Variants in TIAM1 observed in about 807,000 individuals in gnomAD.
The protein encoded by TIAM1 is TIAM Rac1 associated GEF 1, also known as rho guanine nucleotide exchange factor TIAM1.
Under a neutral mutation model 163.5 loss-of-function variants are expected in TIAM1, and 65 were observed. The ratio of observed to expected loss-of-function variants is 0.40; its 90% CI spans 0.33 to 0.49. TIAM1 has a LOEUF of 0.49. TIAM1 is among the 20% of genes least tolerant of loss of function. The probability of loss-of-function intolerance (pLI) is 0.77; values close to 1 mark genes in which losing one functional copy is unlikely to be tolerated. For missense variants in TIAM1, 1,789 were observed against 2,044.7 expected (o/e 0.87, Z 2.41); for synonymous variants, 833 against 810.1 (o/e 1.03, Z -0.48).
rs554329942 is a variant in TIAM1 at position 31,154,258 on chromosome 21, T to A, written c.3160A>T (p.Thr1054Ser). The A allele has an allele frequency of 1.7e-5, 28 of 1,613,838 alleles. No individual in the cohort carries two copies. The South Asian group carries it at 2.9e-4, about 16-fold the overall frequency. Residue 1054 changes from threonine to serine, a missense_variant, in exon 17 of 28, where the codon ACC becomes TCC. Physicochemically the swap from Thr to Ser is moderately conservative, Grantham distance 58. Coordinates refer to ENST00000541036, the MANE Select transcript of TIAM1 (RefSeq NM_001353694.2). Reference sequence around the variant, plus strand: ...AAAAAGAAACATACCTTCACGTAGGTGCGCTCCGTCTCCAGGAGCTCGCAG... The same window carrying A: ...AAAAAGAAACATACCTTCACGTAGGAGCGCTCCGTCTCCAGGAGCTCGCAG... ...VICELLETER[T>S]YVKDLNCLME...
At position 31,362,760 on chromosome 21, in the gene TIAM1, C is replaced by T. The variant is rs562024215; in HGVS notation, c.-368-23338G>A. ...TGTATTACAGGCATGAGCCACTGTG[C>T]TCAGCCAACAATTATTTTTAAAGCA... On this transcript the variant is annotated intron_variant, in intron 2 of 28. Coordinates refer to the TIAM1 transcript ENST00000286827. Among the ~76,000 whole-genome samples the T allele has an allele frequency of 3.2e-3, 484 of 152,228 alleles. 1 individual carries two copies. Among genetic ancestry groups the T allele is most frequent in the African/African-American group, 0.011 (465 of 41,534 alleles).
At position 31,185,879 on chromosome 21, in the gene TIAM1, C is replaced by G. The variant is rs1397315327; in HGVS notation, c.2662+1122G>C. On this transcript the variant is annotated intron_variant, in intron 14 of 27. Coordinates refer to ENST00000541036, the MANE Select transcript of TIAM1 (RefSeq NM_001353694.2). ...GATACAGCCATAAGCCACAGAATGC[C>G]AAGTGCTGCTTTCACACCAGAAACC... Among the ~76,000 whole-genome samples the G allele has an allele frequency of 5.3e-5, 8 of 152,098 alleles. No homozygotes were observed. The South Asian group carries it at 1.2e-3, about 24-fold the overall frequency.
intron 25 of TIAM1, among the ~76,000 whole-genome samples, chr21:31,129,921 A>G (rs780655302): frequency 3.9e-5 from 6 of 152,154 alleles, no homozygotes; most frequent in Non-Finnish European, 7.4e-5. Context: ...CTATAGTATT[A>G]ATCTATAGAA....
chr21:31,414,093 G>A (rs1051709500), intron 2 of TIAM1, among the ~76,000 whole-genome samples: 1 of 152,156 alleles, frequency 6.6e-6, no homozygotes. Flanking sequence ...AGGCTCTCAG[G>A]AGCCCATGGA....
chr21:31,376,915 G>A (rs1272310830), intron 2 of TIAM1, among the ~76,000 whole-genome samples: 1 of 151,902 alleles, frequency 6.6e-6, no homozygotes, highest in Non-Finnish European at 1.5e-5. Flanking sequence ...CTGGGGTGCA[G>A]TGGCACGATC....
intron 27 of TIAM1, chr21:31,124,294 G>A (rs1437792109): frequency 6.7e-6 from 3 of 449,070 alleles, no homozygotes; most frequent in Non-Finnish European, 1.1e-5. Flanking sequence ...GGGAGGCAAA[G>A]GGAAGGCTTG....
Position 31,154,201 on chromosome 21 carries a change from C to T in TIAM1, c.3171+46G>A, listed in dbSNP as rs750681063. 3.8e-6 allele frequency: 6 copies of T among 1,591,610 alleles called. No homozygotes were observed. The South Asian group carries it at 5.7e-5, about 15-fold the overall frequency. ...AACCAGCAGACACACCAACTTCACT[C>T]CTTTACGAGGCAGAGGGAGGGCAGG... On this transcript the variant is annotated intron_variant, in intron 17 of 27. Transcript: ENST00000541036.
intron 1 of TIAM1, among the ~76,000 whole-genome samples, chr21:31,510,084 G>T (rs2047163541): frequency 6.6e-6 from 1 of 152,158 alleles, no homozygotes; most frequent in Non-Finnish European, 1.5e-5. Context: ...TCCTAACCCG[G>T]GGTACCCGTA....
At chr21:31,515,612 G>A (rs893056578) in intron 1 of TIAM1, among the ~76,000 whole-genome samples, 1 of 152,128 alleles carries the variant, frequency 6.6e-6, no homozygotes, top group Admixed American at 6.5e-5. Flanking sequence ...ACTTGAAAGG[G>A]CAGTGTGAAA....
chr21:31,387,809 T>C (rs967457298), intron 2 of TIAM1, among the ~76,000 whole-genome samples: 5 of 151,988 alleles, frequency 3.3e-5, no homozygotes, highest in Admixed American at 1.3e-4. Flanking sequence ...CAGCAGTGTG[T>C]GGGTCTCTCC....
rs1294800562 is a variant in TIAM1, at chr21:31,454,507, G to A, written c.-369+9476C>T. 2.6e-5 allele frequency among the ~76,000 whole-genome samples: 4 copies of A among 152,140 alleles called. No homozygotes were observed. The East Asian group carries it at 7.7e-4, about 29-fold the overall frequency. ...AAGGTAGGCGTTCACACAGGAAGGG[G>A]AGGCCATGATGTCACTGAGTGGGGT... On this transcript the variant is annotated intron_variant, in intron 2 of 28. Transcript: ENST00000286827.
chr21:31,201,034 A>G (rs766384437), intron 12 of TIAM1, among the ~76,000 whole-genome samples: 9 of 152,226 alleles, frequency 5.9e-5, no homozygotes, highest in Non-Finnish European at 1.3e-4. Flanking sequence ...CTTAAAAATA[A>G]TGAGTCCATA....
At chr21:31,335,923 A>G (rs1379797183) in intron 2 of TIAM1, among the ~76,000 whole-genome samples, 1 of 152,208 alleles carries the variant, frequency 6.6e-6, no homozygotes, top group Non-Finnish European at 1.5e-5. Flanking sequence ...GGTTCCACCA[A>G]GTAGACTTGG....
chr21:31,279,063 G>A (rs567365387), intron 2 of TIAM1, among the ~76,000 whole-genome samples: 2 of 151,794 alleles, frequency 1.3e-5, no homozygotes, highest in Non-Finnish European at 2.9e-5. Flanking sequence ...AAAAAATTAC[G>A]TATTCAGATA....
intron 1 of TIAM1, among the ~76,000 whole-genome samples, chr21:31,490,518 G>T (rs2046427940): frequency 6.6e-6 from 1 of 152,106 alleles, no homozygotes; most frequent in Non-Finnish European, 1.5e-5. Flanking sequence ...ACAGAACACT[G>T]ATCATCCAAG....
chr21:31,248,260 C>T (rs1418952248), intron 5 of TIAM1, among the ~76,000 whole-genome samples: 1 of 152,202 alleles, frequency 6.6e-6, no homozygotes, highest in African/African-American at 2.4e-5. Flanking sequence ...TTAGGGGACA[C>T]TCACCAATCC....
At chr21:31,486,441 G>A (rs969186386) in intron 1 of TIAM1, among the ~76,000 whole-genome samples, 1 of 152,266 alleles carries the variant, frequency 6.6e-6, no homozygotes, top group South Asian at 2.1e-4. Context: ...GGGTCAGGAC[G>A]AAGGGGACAA....
intron 6 of TIAM1, among the ~76,000 whole-genome samples, chr21:31,242,227 T>C (rs1248937058): frequency 6.6e-6 from 1 of 152,100 alleles, no homozygotes; most frequent in East Asian, 1.9e-4. Flanking sequence ...AACTTTTGTT[T>C]GAAAGAACCA....
intron 8 of TIAM1, among the ~76,000 whole-genome samples, chr21:31,222,842 T>C (rs1483534434): frequency 6.7e-6 from 1 of 149,580 alleles, no homozygotes; most frequent in Non-Finnish European, 1.5e-5. Context: ...TTCAGCCTCC[T>C]GAGTAGCTGG....
Sources: allele counts gnomAD v4.1 joint callset (sites outside exome capture counted in the v4.1 genomes callset), GRCh38; gene constraint gnomAD v4.1.1; transcripts MANE v1.5; gene names NCBI Gene and HGNC (gene_info 2026-07-23, HGNC 2026-07-21).